GNAQ: variants seen among roughly 807,000 people sequenced by gnomAD.
GNAQ encodes the protein guanine nucleotide-binding protein G(q) subunit alpha.
A neutral mutation model predicts 43.9 loss-of-function variants in GNAQ; 8 were observed. The ratio of observed to expected loss-of-function variants is 0.18; its 90% CI spans 0.11 to 0.33. The LOEUF (loss-of-function observed/expected upper bound fraction) is 0.33. Ranked by LOEUF, GNAQ falls within the 10% of genes least tolerant of loss-of-function variation. The pLI, the probability that GNAQ is intolerant of heterozygous loss-of-function variation, is 1.00. For synonymous variants in GNAQ, 155 were observed against 170.7 expected (o/e 0.91, Z 0.71); for missense variants, 158 against 450.8 (o/e 0.35, Z 5.88).
chr9:77,779,621 T>C, intron 5 of GNAQ, among the ~76,000 whole-genome samples: 1 of 147,468 alleles, frequency 6.8e-6, no homozygotes, highest in East Asian at 2.0e-4. Flanking sequence ...CCAAAGCTGA[T>C]TCTTCGAAAA....
chr9:77,984,049 C>CAAAAAAAAAA lies in GNAQ; in HGVS notation c.136+47041_136+47050dup, dbSNP rs72279886. Reference sequence around the variant, plus strand: ...CATATGCAAGTAGAATTTTGGAGAGCAAAAAAAAAAAAAAAAAAAAAAAAA... The same window carrying CAAAAAAAAAA: ...CATATGCAAGTAGAATTTTGGAGAGCAAAAAAAAAAAAAAAAAAAAAAAAAAAAAAAAAAA... On this transcript the variant is annotated intron_variant, in intron 1 of 6. Transcript: ENST00000286548. Among the ~76,000 whole-genome samples the CAAAAAAAAAA allele has an allele frequency of 2.9e-3, 197 of 67,958 alleles. 21 individuals are homozygous for CAAAAAAAAAA. The highest frequency in any genetic ancestry group is 0.01 in the African/African-American group (186 of 17,980). The allele number at this position is 67,958 out of a possible 152,430, so 44.6% of individuals were successfully genotyped here.
At chr9:77,930,972 A>G (rs1042770499) in intron 1 of GNAQ, among the ~76,000 whole-genome samples, 3 of 151,968 alleles carry the variant, frequency 2.0e-5, no homozygotes, top group Non-Finnish European at 4.4e-5. Flanking sequence ...GGAACTGTGC[A>G]TGCGAAGGAT....
chr9:78,002,368 C>A (rs1388068729), intron 1 of GNAQ, among the ~76,000 whole-genome samples: 2 of 151,950 alleles, frequency 1.3e-5, no homozygotes, highest in Non-Finnish European at 2.9e-5. Context: ...AAGAACACAC[C>A]CCCACACAGA....
intron 2 of GNAQ, among the ~76,000 whole-genome samples, chr9:77,891,189 A>G (rs1486154696): frequency 6.6e-6 from 1 of 152,142 alleles, no homozygotes; most frequent in African/African-American, 2.4e-5. Flanking sequence ...CCATTTTGCC[A>G]TTTATATATC....
intron 2 of GNAQ, among the ~76,000 whole-genome samples, chr9:77,828,376 C>A (rs1166641219): frequency 6.6e-6 from 1 of 152,052 alleles, no homozygotes; most frequent in African/African-American, 2.4e-5. Flanking sequence ...GAGGTGCTAA[C>A]CTATAGATCT....
rs571823348 is a variant in GNAQ, at chr9:77,974,153, A to G, written c.137-51808T>C. Among the ~76,000 whole-genome samples, 13 of 152,280 alleles carry G rather than the reference A, an allele frequency of 8.5e-5. No homozygotes were observed. In the South Asian group the frequency reaches 2.7e-3, roughly 32 times the overall value. ...AGGTTAAGCCTGTTTTGTAGGCACA[A>G]AGAAACTTTAAGACACTGAAGAACT... On this transcript the variant is annotated intron_variant, in intron 1 of 6. Transcript: ENST00000286548.
intron 1 of GNAQ, among the ~76,000 whole-genome samples, chr9:77,936,686 G>A (rs4745677): frequency 0.29 from 44,705 of 151,852 alleles, 6,759 homozygotes; most frequent in South Asian, 0.43. Context: ...TATTTCCAGG[G>A]GTTTGTGAAA....
At chr9:77,927,500 C>A (rs1291585921) in intron 1 of GNAQ, among the ~76,000 whole-genome samples, 1 of 151,982 alleles carries the variant, frequency 6.6e-6, no homozygotes, top group African/African-American at 2.4e-5. Flanking sequence ...CATTTCCATA[C>A]AAGGGCTCTG....
At chr9:77,759,796 TCA>T (rs1825960390) in intron 5 of GNAQ, among the ~76,000 whole-genome samples, 1 of 152,170 alleles carries the variant, frequency 6.6e-6, no homozygotes, top group South Asian at 2.1e-4. Context: ...TCCAAAAGGC[TCA>T]GTTTTCTGAG....
chr9:77,844,680 A>T (rs1269823255), intron 2 of GNAQ, among the ~76,000 whole-genome samples: 2 of 151,134 alleles, frequency 1.3e-5, no homozygotes, highest in Middle Eastern at 3.4e-3. Flanking sequence ...TTATTTTGTT[A>T]TTTTTTTTTG....
intron 1 of GNAQ, among the ~76,000 whole-genome samples, chr9:78,009,249 C>T (rs548671411): frequency 4.0e-4 from 61 of 152,300 alleles, no homozygotes; most frequent in African/African-American, 1.4e-3. Context: ...TTCAGGTTAT[C>T]GGGAGAGATT....
chr9:77,800,291 T>C (rs891537546), intron 3 of GNAQ, among the ~76,000 whole-genome samples: 4 of 151,900 alleles, frequency 2.6e-5, no homozygotes, highest in East Asian at 1.9e-4. Flanking sequence ...TATTGCGGCA[T>C]TATTCACAAT....
intron 1 of GNAQ, among the ~76,000 whole-genome samples, chr9:77,964,236 T>A (rs1823139574): frequency 1.3e-5 from 2 of 152,140 alleles, no homozygotes; most frequent in Admixed American, 1.3e-4. Context: ...ATCCTAAATG[T>A]TTATGTATCC....
intron 5 of GNAQ, among the ~76,000 whole-genome samples, chr9:77,762,235 T>G (rs1826047991): frequency 1.7e-5 from 2 of 120,950 alleles, no homozygotes; most frequent in South Asian, 6.1e-4. Flanking sequence ...AGCCGCCCCT[T>G]CCGGGAGGGA....
intron 1 of GNAQ, among the ~76,000 whole-genome samples, chr9:77,952,908 T>C (rs1181752908): frequency 2.0e-5 from 3 of 152,144 alleles, no homozygotes; most frequent in African/African-American, 7.2e-5. Context: ...AGCAGGGAAA[T>C]ATTAAGTATG....
chr9:77,948,519 G>T (rs988039323), intron 1 of GNAQ, among the ~76,000 whole-genome samples: 3 of 152,174 alleles, frequency 2.0e-5, no homozygotes, highest in Non-Finnish European at 4.4e-5. Flanking sequence ...GACACAGAGG[G>T]GGGGCAGATG....
chr9:77,962,629 C>T (rs549687061), intron 1 of GNAQ, among the ~76,000 whole-genome samples: 7 of 152,216 alleles, frequency 4.6e-5, no homozygotes, highest in Middle Eastern at 3.4e-3. Context: ...GAGACTCACA[C>T]CTGTAATCCC....
intron 1 of GNAQ, among the ~76,000 whole-genome samples, chr9:77,999,080 GAAACTCTGTCTCAAAAAAA>G (rs1823612267): frequency 1.2e-5 from 1 of 82,860 alleles, no homozygotes; most frequent in African/African-American, 5.0e-5. Flanking sequence ...CAACAAGAGT[GAAACTCTGTCTCAAAAAAA>G]AAAAAAAAAA....
chr9:77,828,214 C>T (rs971513198), intron 2 of GNAQ, among the ~76,000 whole-genome samples: 1 of 151,104 alleles, frequency 6.6e-6, no homozygotes, highest in African/African-American at 2.5e-5. Flanking sequence ...ATGTTCTTCT[C>T]TTTTATTTTC....
Sources: allele counts gnomAD v4.1 joint callset (sites outside exome capture counted in the v4.1 genomes callset), GRCh38; gene constraint gnomAD v4.1.1; transcripts MANE v1.5; gene names NCBI Gene and HGNC (gene_info 2026-07-23, HGNC 2026-07-21).